SRBD1: variants seen among roughly 807,000 people sequenced by gnomAD.
SRBD1 encodes the protein S1 RNA-binding domain-containing protein 1.
A neutral mutation model predicts 115.3 loss-of-function variants in SRBD1; 88 were observed. The observed-to-expected ratio is 0.76, with a 90% CI of 0.64 to 0.91. The LOEUF is 0.91. SRBD1 is among the 40% of genes least tolerant of loss of function. The probability of loss-of-function intolerance (pLI) is 0.00; values close to 1 mark genes in which losing one functional copy is unlikely to be tolerated. For missense variants in SRBD1, 1,385 were observed against 1,177.4 expected (o/e 1.18, Z -2.58); for synonymous variants, 509 against 407.7 (o/e 1.25, Z -2.99).
chr2:45,477,108 T>G, intron 15 of SRBD1, 33 bp from the exon 16 acceptor site: 1 of 1,577,404 alleles, frequency 6.3e-7, no homozygotes, highest in Non-Finnish European at 8.7e-7. Context: ...CAAGTATGAC[T>G]TAATGTGAAA....
chr2:45,477,581 A>C (rs1031287403), intron 15 of SRBD1, among the ~76,000 whole-genome samples: 1 of 152,046 alleles, frequency 6.6e-6, no homozygotes, highest in African/African-American at 2.4e-5. Context: ...ATAGGGTCTC[A>C]CTCTGTTACC....
At chr2:45,513,322 T>A (rs1671026058) in intron 14 of SRBD1, among the ~76,000 whole-genome samples, 2 of 152,042 alleles carry the variant, frequency 1.3e-5, no homozygotes, top group African/African-American at 4.8e-5. Context: ...AGATGTCCAG[T>A]TATAATGAGA....
chr2:45,508,176 C>A (rs1435213357), intron 14 of SRBD1, among the ~76,000 whole-genome samples: 2 of 151,902 alleles, frequency 1.3e-5, no homozygotes, highest in Admixed American at 6.6e-5. Flanking sequence ...AAAAATAACA[C>A]AAATTAGAAG....
At chr2:45,569,844 T>G (rs2196401) in intron 9 of SRBD1, among the ~76,000 whole-genome samples, 150,234 of 152,338 alleles carry the variant, frequency 0.99, 74,094 homozygotes, top group East Asian at 1. Context: ...GAAACTTAAG[T>G]AAAGAAAATG....
At chr2:45,507,387 T>G (rs1670829579) in intron 14 of SRBD1, among the ~76,000 whole-genome samples, 1 of 152,088 alleles carries the variant, frequency 6.6e-6, no homozygotes, top group Admixed American at 6.6e-5. Flanking sequence ...AAGACTATGC[T>G]TATCAAAATC....
intron 14 of SRBD1, among the ~76,000 whole-genome samples, chr2:45,544,378 G>C (rs1672042707): frequency 6.6e-6 from 1 of 152,092 alleles, no homozygotes; most frequent in African/African-American, 2.4e-5. Flanking sequence ...GTGGTCAATG[G>C]TGCTAACAGG....
Position 45,599,822 on chromosome 2 carries a change from G to C in SRBD1, c.275C>G (p.Ala92Gly), listed in dbSNP as rs140995892. The change falls in exon 4 of 21, where the codon GCT becomes GGT. Residue 92 changes from alanine to glycine, a missense_variant. By Grantham distance (60) the Ala-to-Gly change is moderately conservative. Coordinates refer to ENST00000263736, the MANE Select transcript of SRBD1 (RefSeq NM_018079.5). ...GTCTTCTAAAGCAGTATCAGCAATA[G>C]CCACAGAGCTATTCTATCAAACCAC... is the stretch of plus-strand genomic sequence containing the variant. ...VVKEELNSSV[A>G]IADTALEDRK... 1.1e-5 allele frequency: 17 copies of C among 1,611,468 alleles called. No individual in the cohort carries two copies. The African/African-American group carries it at 2.3e-4, about 22-fold the overall frequency.
chr2:45,534,799 G>C (rs1243676858), intron 14 of SRBD1, among the ~76,000 whole-genome samples: 1 of 151,764 alleles, frequency 6.6e-6, no homozygotes, highest in African/African-American at 2.4e-5. Flanking sequence ...TAGATCTTAA[G>C]TTATATAGCT....
chr2:45,525,590 T>C (rs1671416032), intron 14 of SRBD1, among the ~76,000 whole-genome samples: 1 of 152,018 alleles, frequency 6.6e-6, no homozygotes, highest in African/African-American at 2.4e-5. Context: ...ATATAAAGTG[T>C]TCTTACTATA....
intron 19 of SRBD1, among the ~76,000 whole-genome samples, chr2:45,394,108 A>G (rs1667079639): frequency 6.6e-6 from 1 of 152,236 alleles, no homozygotes; most frequent in Non-Finnish European, 1.5e-5. Flanking sequence ...CTTCCATTAT[A>G]CTATCTAAAG....
chr2:45,460,679 A>C (rs1049339760), intron 16 of SRBD1, among the ~76,000 whole-genome samples: 3 of 151,488 alleles, frequency 2.0e-5, no homozygotes, highest in Non-Finnish European at 4.4e-5. Context: ...CAACTTTATA[A>C]AAAGTAGCAA....
At chr2:45,524,857 A>C (rs999052857) in intron 14 of SRBD1, among the ~76,000 whole-genome samples, 1 of 152,072 alleles carries the variant, frequency 6.6e-6, no homozygotes, top group Non-Finnish European at 1.5e-5. Context: ...GAAAAAACAA[A>C]GTAGAAGACT....
intron 14 of SRBD1, among the ~76,000 whole-genome samples, chr2:45,498,438 A>AT (rs948639695): frequency 1.3e-5 from 2 of 152,120 alleles, no homozygotes; most frequent in African/African-American, 2.4e-5. Flanking sequence ...TGTTATACAT[A>AT]TTTTTGGGGT....
chr2:45,537,044 A>C (rs149323107), intron 14 of SRBD1, among the ~76,000 whole-genome samples: 1 of 152,286 alleles, frequency 6.6e-6, no homozygotes, highest in Admixed American at 6.5e-5. Context: ...TTTCTATTTA[A>C]CTTTTTAAAA....
chr2:45,561,879 C>T (rs1037890996), intron 10 of SRBD1, among the ~76,000 whole-genome samples: 1 of 152,180 alleles, frequency 6.6e-6, no homozygotes, highest in Non-Finnish European at 1.5e-5. Flanking sequence ...TAACATGCAA[C>T]ATTTATCCCC....
At chr2:45,546,654 G>A in intron 14 of SRBD1, 78 bp downstream of exon 14, 1 of 1,355,520 alleles carries the variant, frequency 7.4e-7, no homozygotes, top group South Asian at 1.2e-5. Flanking sequence ...CTTAAAAAGA[G>A]AAGGGAGGAT....
At chr2:45,398,393 A>G (rs994897663) in intron 19 of SRBD1, among the ~76,000 whole-genome samples, 28 of 152,160 alleles carry the variant, frequency 1.8e-4, no homozygotes, top group African/African-American at 6.5e-4. Context: ...CAAGAGAAAG[A>G]TTTCCTGTCA....
chr2:45,434,544 T>C (rs1008501278), intron 16 of SRBD1, among the ~76,000 whole-genome samples: 2 of 152,176 alleles, frequency 1.3e-5, no homozygotes, highest in Non-Finnish European at 2.9e-5. Flanking sequence ...AAACAGATAA[T>C]AATTTCATAA....
chr2:45,408,691 A>C (rs1667506795), intron 19 of SRBD1, among the ~76,000 whole-genome samples: 1 of 152,168 alleles, frequency 6.6e-6, no homozygotes, highest in African/African-American at 2.4e-5. Flanking sequence ...AAGACTTTTA[A>C]GCCCTTTGGT....
Sources: allele counts gnomAD v4.1 joint callset (sites outside exome capture counted in the v4.1 genomes callset), GRCh38; gene constraint gnomAD v4.1.1; transcripts MANE v1.5; gene names NCBI Gene and HGNC (gene_info 2026-07-23, HGNC 2026-07-21).